GNL3L: variants seen among roughly 807,000 people sequenced by gnomAD.
The protein encoded by GNL3L is G protein nucleolar 3 like, also known as guanine nucleotide-binding protein-like 3-like protein.
Under a neutral mutation model 42.9 loss-of-function variants are expected in GNL3L, and 4 were observed. That is an observed-to-expected ratio of 0.09 (90% confidence interval 0.05 to 0.21). The LOEUF (loss-of-function observed/expected upper bound fraction) is 0.21. Among genes scored for constraint, GNL3L ranks in the 10% least tolerant of loss-of-function variants. The pLI is 1.00. For missense variants in GNL3L, 412 were observed against 481.7 expected (o/e 0.86, Z 1.36); for synonymous variants, 159 against 176.3 (o/e 0.90, Z 0.78).
chrX:54,616,298 AT>A (rs747427421), intron 16 of GNL3L, among the ~76,000 whole-genome samples: 68 of 112,240 alleles, frequency 6.1e-4, no homozygotes, highest in African/African-American at 1.6e-3. Flanking sequence ...GGAAAAACCA[AT>A]TTTTTTTTAA....
intron 2 of GNL3L, among the ~76,000 whole-genome samples, chrX:54,536,089 G>A (rs1191775197): frequency 9.0e-6 from 1 of 111,146 alleles, no homozygotes. Flanking sequence ...CAACACGCCC[G>A]GCTAATTTTT....
rs1196659059 is a variant in GNL3L, at chrX:54,616,661, T to C, written c.*46-4184T>C. ...TGATAATAAACTGGATGACTTGTTG[T>C]AGACAGCCTTACACTGTGCATTTTT... On this transcript the variant is annotated intron_variant, in intron 16 of 16. Coordinates refer to the GNL3L transcript ENST00000674498. Among the ~76,000 whole-genome samples, 5 of 112,039 alleles carry C rather than the reference T, an allele frequency of 4.5e-5. 1 individual carries two copies. In the Admixed American group the frequency reaches 4.7e-4, roughly 11 times the overall value.
chrX:54,641,216 A>G, the GNL3L span, among the ~76,000 whole-genome samples: 1 of 110,702 alleles, frequency 9.0e-6, no homozygotes. Flanking sequence ...TACTATCCTC[A>G]GAGCTCCTTG....
At chrX:54,542,873 C>T (rs1924665411) in intron 5 of GNL3L, 82 bp from the exon 6 acceptor site, 2 of 574,081 alleles carry the variant, frequency 3.5e-6, no homozygotes, top group Non-Finnish European at 5.9e-6. Context: ...TTTAAGCCTC[C>T]TATAGTTTAA....
At chrX:54,544,068 C>A (rs1369468941) in intron 7 of GNL3L, 155 bp from the exon 8 acceptor site, 2 of 429,935 alleles carry the variant, frequency 4.7e-6, no homozygotes, top group East Asian at 8.1e-5. Context: ...CTTTCTAACT[C>A]CAACCTGCGG....
At chrX:54,612,863 CTT>C (rs1926179437) in intron 16 of GNL3L, among the ~76,000 whole-genome samples, 2 of 111,574 alleles carry the variant, frequency 1.8e-5, no homozygotes, top group South Asian at 7.4e-4. Context: ...TCTTAAAATT[CTT>C]TCTTTCGTCT....
intron 15 of GNL3L, among the ~76,000 whole-genome samples, chrX:54,559,615 G>A (rs1925203325): frequency 8.9e-6 from 1 of 111,972 alleles, no homozygotes; most frequent in Non-Finnish European, 1.9e-5. Context: ...GGTACATTGT[G>A]TAGCTGGCCC....
chrX:54,627,920 G>T, the GNL3L span, among the ~76,000 whole-genome samples: 1 of 110,354 alleles, frequency 9.1e-6, no homozygotes, highest in Admixed American at 9.8e-5. Flanking sequence ...TTCTTTAGTG[G>T]TGATTTCTAA....
intron 9 of GNL3L, 149 bp downstream of exon 9, chrX:54,548,522 T>A: frequency 2.1e-6 from 1 of 481,792 alleles, no homozygotes; most frequent in Non-Finnish European, 3.5e-6. Flanking sequence ...CTTGGATGGG[T>A]GGGCATCACT....
intron 15 of GNL3L, among the ~76,000 whole-genome samples, chrX:54,559,053 A>G (rs923142357): frequency 4.5e-5 from 5 of 112,070 alleles, no homozygotes; most frequent in Non-Finnish European, 7.5e-5. Context: ...AGGCTCAACT[A>G]CTAGCACAGT....
chrX:54,613,815 G>A (rs890901695), intron 16 of GNL3L, among the ~76,000 whole-genome samples: 3 of 110,668 alleles, frequency 2.7e-5, no homozygotes, highest in African/African-American at 9.9e-5. Flanking sequence ...TGTGGAGGTG[G>A]CAGGGGCAGG....
chrX:54,635,137 C>T, the GNL3L span, among the ~76,000 whole-genome samples: 1 of 111,044 alleles, frequency 9.0e-6, no homozygotes, highest in Non-Finnish European at 1.9e-5. Context: ...ATTATCCTAT[C>T]CTTAAGTTCA....
intron 16 of GNL3L, among the ~76,000 whole-genome samples, chrX:54,604,200 C>T (rs776475701): frequency 8.9e-6 from 1 of 111,946 alleles, no homozygotes; most frequent in Non-Finnish European, 1.9e-5. Context: ...TAGTAGAATA[C>T]TTCTGGCAAC....
chrX:54,574,585 A>G lies in GNL3L; in HGVS notation c.*45+13938A>G, dbSNP rs192137411. 4.5e-5 allele frequency among the ~76,000 whole-genome samples: 5 copies of G among 112,346 alleles called. No homozygotes were observed. In the East Asian group the frequency reaches 1.4e-3, roughly 31 times the overall value. On this transcript the variant is annotated intron_variant, in intron 16 of 16. Transcript: ENST00000674498. Reference sequence around the variant, plus strand: ...GTCTATTCAAAAGGTATATTTGTATATAGTTTTCTTGTGATGTCTCTGTCT... The same window carrying G: ...GTCTATTCAAAAGGTATATTTGTATGTAGTTTTCTTGTGATGTCTCTGTCT...
Position 54,558,479 on chromosome X carries a change from A to T in GNL3L, c.1490A>T (p.Gln497Leu). The change falls in exon 15 of 16, where the codon CAG (glutamine) becomes CTG (leucine). Residue 497 changes from glutamine to leucine, a missense_variant. Physicochemically the swap from Gln to Leu is moderately radical, Grantham distance 113. Transcript: ENST00000360845. Reference sequence around the variant, plus strand: ...TATTGCACCAATCCGAACCGTCATCAGATGGGGTGGGCTAAACGCAATGTG... The same window carrying T: ...TATTGCACCAATCCGAACCGTCATCTGATGGGGTGGGCTAAACGCAATGTG... ...TGYCTNPNRH[Q>L]MGWAKRNVDH... 4 of 1,208,608 alleles carry T rather than the reference A, an allele frequency of 3.3e-6. No homozygotes were observed. Among genetic ancestry groups the T allele is most frequent in the Non-Finnish European group, 3.4e-6 (3 of 892,640 alleles).
intron 16 of GNL3L, among the ~76,000 whole-genome samples, chrX:54,585,167 G>A (rs750465507): frequency 1.8e-5 from 2 of 112,061 alleles, no homozygotes; most frequent in Non-Finnish European, 3.8e-5. Context: ...ATAATTGATA[G>A]CATTTTGTTG....
chrX:54,544,906 A>G (rs961928229), intron 8 of GNL3L, among the ~76,000 whole-genome samples: 83 of 111,229 alleles, frequency 7.5e-4, no homozygotes, highest in African/African-American at 2.6e-3. Context: ...ACAGTTAACT[A>G]CTTGTTTGTT....
intron 16 of GNL3L, among the ~76,000 whole-genome samples, chrX:54,574,685 G>A (rs931854467): frequency 8.9e-6 from 1 of 112,115 alleles, no homozygotes; most frequent in Non-Finnish European, 1.9e-5. Context: ...GGAAGAATTT[G>A]TGAAAGATTG....
At chrX:54,601,996 A>T in intron 16 of GNL3L, among the ~76,000 whole-genome samples, 1 of 111,640 alleles carries the variant, frequency 9.0e-6, no homozygotes, top group East Asian at 2.8e-4. Flanking sequence ...TCATTAAAGG[A>T]TATTGGGTTG....
Sources: allele counts gnomAD v4.1 joint callset (sites outside exome capture counted in the v4.1 genomes callset), GRCh38; gene constraint gnomAD v4.1.1; transcripts MANE v1.5; gene names NCBI Gene and HGNC (gene_info 2026-07-23, HGNC 2026-07-21).